The following RNF24 variants were observed in gnomAD, a reference collection of about 807,000 sequenced individuals.
RNF24 encodes the protein ring finger protein 24.
RNF24 carries 14 observed loss-of-function variants against 20.0 expected under a neutral mutation model. That is an observed-to-expected ratio of 0.70 (90% CI 0.46 to 1.10). The LOEUF (loss-of-function observed/expected upper bound fraction) is 1.10. Ranked by LOEUF, RNF24 falls within the 50% of genes least tolerant of loss-of-function variation. RNF24 has a pLI of 0.00. For synonymous variants in RNF24, 45 were observed against 61.1 expected (o/e 0.74, Z 1.23); for missense variants, 124 against 177.6 (o/e 0.70, Z 1.71).
At chr20:4,008,491 TAA>T (rs1491285972) in intron 1 of RNF24, among the ~76,000 whole-genome samples, 1 of 85,540 alleles carries the variant, frequency 1.2e-5, no homozygotes, top group Non-Finnish European at 2.3e-5. Context: ...TAATATAATA[TAA>T]TATATATATT....
chr20:4,008,212 G>A (rs1982034748), intron 1 of RNF24, among the ~76,000 whole-genome samples: 1 of 144,182 alleles, frequency 6.9e-6, no homozygotes, highest in African/African-American at 2.6e-5. Flanking sequence ...AAAGAGAGAG[G>A]TTAGGAAACC....
At chr20:4,004,555 C>A (rs1981688579) in intron 1 of RNF24, among the ~76,000 whole-genome samples, 1 of 151,826 alleles carries the variant, frequency 6.6e-6, no homozygotes, top group Non-Finnish European at 1.5e-5. Context: ...GAGATGAGAG[C>A]ATTTTGGATT....
chr20:3,968,014 TGTAACA>T (rs1384903355), intron 1 of RNF24, among the ~76,000 whole-genome samples: 1 of 129,668 alleles, frequency 7.7e-6, no homozygotes, highest in East Asian at 2.2e-4. Flanking sequence ...GAATAAAAAA[TGTAACA>T]GGTGGCTGGG....
chr20:3,989,411 A>C (rs1340136827), intron 1 of RNF24, among the ~76,000 whole-genome samples: 2 of 152,068 alleles, frequency 1.3e-5, no homozygotes, highest in East Asian at 1.9e-4. Flanking sequence ...GAATGGCGTG[A>C]ACCCTGGAGG....
chr20:4,010,402 G>A (rs1469393609), intron 1 of RNF24, among the ~76,000 whole-genome samples: 1 of 152,136 alleles, frequency 6.6e-6, no homozygotes, highest in Non-Finnish European at 1.5e-5. Context: ...GTATCCATGA[G>A]ATAAACACAA....
At chr20:3,979,782 C>T (rs968245907) in intron 1 of RNF24, among the ~76,000 whole-genome samples, 1 of 152,198 alleles carries the variant, frequency 6.6e-6, no homozygotes, top group African/African-American at 2.4e-5. Flanking sequence ...AAAAAAATCT[C>T]ATACTGAGAG....
chr20:3,931,246 G>A lies in RNF24; in HGVS notation c.*2817C>T, dbSNP rs926305477. On this transcript the variant is annotated 3_prime_UTR_variant, in exon 6 of 6. Transcript: ENST00000358395. ...AGAAACACACAAAGGATACCAGCCA[G>A]TGGTCCAAGAGCAGACCAGAATCCC... 1.3e-5 allele frequency: 2 copies of A among 152,372 alleles called. No individual in the cohort carries two copies. Among genetic ancestry groups the A allele is most frequent in the South Asian group, 4.1e-4 (2 of 4,824 alleles). The allele number at this position is 152,372 out of a possible 1,614,324, so 9.4% of individuals were successfully genotyped here.
intron 1 of RNF24, among the ~76,000 whole-genome samples, chr20:4,014,739 G>GCGCACACACACA (rs1555804206): frequency 8.1e-4 from 116 of 143,776 alleles, no homozygotes; most frequent in African/African-American, 2.3e-3. Flanking sequence ...ACTTGAATGC[G>GCGCACACACACA]CACACACACA....
At chr20:3,995,871 A>G (rs1235207559) in intron 1 of RNF24, among the ~76,000 whole-genome samples, 1 of 152,146 alleles carries the variant, frequency 6.6e-6, no homozygotes, top group African/African-American at 2.4e-5. Flanking sequence ...ATTTCAGAAC[A>G]GTGAATAATC....
intron 1 of RNF24, among the ~76,000 whole-genome samples, chr20:3,996,060 C>T (rs1980839152): frequency 6.6e-6 from 1 of 152,134 alleles, no homozygotes; most frequent in African/African-American, 2.4e-5. Flanking sequence ...TCTCTTCCTT[C>T]AAGATCAGGA....
At position 3,984,117 on chromosome 20, in the gene RNF24, C is replaced by T. The variant is rs79404778; in HGVS notation, c.-7-20093G>A. ...AGGTGGGGTACACCTGTAGTCCTAG[C>T]TACTCAGGAGGCTGAGGTGGGAAGA... On this transcript the variant is annotated intron_variant, in intron 1 of 5. Coordinates refer to ENST00000358395, the MANE Select transcript of RNF24 (RefSeq NM_001134337.3). 8.8e-4 allele frequency among the ~76,000 whole-genome samples: 134 copies of T among 151,928 alleles called. No homozygotes were observed. In the East Asian group the frequency reaches 0.011, roughly 12 times the overall value.
intron 1 of RNF24, among the ~76,000 whole-genome samples, chr20:4,006,102 T>G (rs958951608): frequency 6.6e-6 from 1 of 152,106 alleles, no homozygotes; most frequent in Non-Finnish European, 1.5e-5. Flanking sequence ...TATGGCTAGG[T>G]GTGGTGGCTC....
At chr20:3,997,529 C>G (rs1196371598) in intron 1 of RNF24, among the ~76,000 whole-genome samples, 2 of 151,704 alleles carry the variant, frequency 1.3e-5, no homozygotes, top group Non-Finnish European at 2.9e-5. Context: ...CATGCCCAGA[C>G]AATCCTCCCT....
chr20:3,970,704 A>C (rs963184643), intron 1 of RNF24, among the ~76,000 whole-genome samples: 4 of 152,136 alleles, frequency 2.6e-5, no homozygotes, highest in Non-Finnish European at 5.9e-5. Flanking sequence ...AAAAAACTAA[A>C]ACTAAGCGAT....
At chr20:3,967,973 CAAAAAAAAAA>C (rs58984163) in intron 1 of RNF24, among the ~76,000 whole-genome samples, 1 of 77,180 alleles carries the variant, frequency 1.3e-5, no homozygotes, top group East Asian at 3.4e-4. Flanking sequence ...AGCCTGGCAA[CAAAAAAAAAA>C]AAAAAAAAAA....
intron 1 of RNF24, chr20:3,974,198 T>G (rs1282213927): frequency 8.5e-6 from 7 of 822,152 alleles, no homozygotes; most frequent in Admixed American, 3.4e-5. Flanking sequence ...CTCCCAGAAA[T>G]AGAAATGGAA....
At chr20:3,963,266 C>T (rs2091222343) in intron 2 of RNF24, among the ~76,000 whole-genome samples, 1 of 152,242 alleles carries the variant, frequency 6.6e-6, no homozygotes, top group Non-Finnish European at 1.5e-5. Context: ...GATCTTGGCT[C>T]ACTGCAACCT....
chr20:3,982,492 G>A (rs1979501382), intron 1 of RNF24, among the ~76,000 whole-genome samples: 2 of 149,850 alleles, frequency 1.3e-5, no homozygotes, highest in Non-Finnish European at 3.0e-5. Context: ...CAGGAGAATC[G>A]CCTGAACCCA....
rs114796864 is a variant in RNF24, at chr20:3,963,767, A to T, written c.143+108T>A. On this transcript the variant is annotated intron_variant, in intron 2 of 5. Coordinates refer to ENST00000358395, the MANE Select transcript of RNF24 (RefSeq NM_001134337.3). ...AAACGGTAAGCCATCTTAATTTTTT[A>T]AAAATTTGCCAATTATCATACTTCA... 3.5e-3 allele frequency: 3,001 copies of T among 853,424 alleles called. 72 individuals carry two copies. The African/African-American group carries it at 0.047, about 13-fold the overall frequency. The allele number at this position is 853,424 out of a possible 1,614,324, so 52.9% of individuals were successfully genotyped here.
Sources: gnomAD v4.1 joint callset for allele counts (sites outside exome capture counted in the v4.1 genomes callset) on GRCh38, gnomAD v4.1.1 for gene constraint, MANE v1.5 for transcripts, NCBI Gene and HGNC (gene_info 2026-07-23, HGNC 2026-07-21) for gene names.